The following ATP9B variants were observed in gnomAD, a reference collection of about 807,000 sequenced individuals.
ATP9B encodes probable phospholipid-transporting ATPase IIB.
In ATP9B, 110 loss-of-function variants were observed where a neutral mutation model predicts 146.1. The ratio of observed to expected loss-of-function variants is 0.75; its 90% CI spans 0.65 to 0.88. The LOEUF is 0.88. Among genes scored for constraint, ATP9B ranks in the 40% least tolerant of loss-of-function variants. The pLI, the probability that ATP9B is intolerant of heterozygous loss-of-function variation, is 0.00. For missense variants in ATP9B, 1,499 were observed against 1,496.4 expected, an observed-to-expected ratio of 1.00 and a Z score of -0.03; for synonymous variants, 604 against 569.7, an observed-to-expected ratio of 1.06 and a Z score of -0.86.
intron 11 of ATP9B, among the ~76,000 whole-genome samples, chr18:79,249,658 T>G (rs1184663900): frequency 6.6e-6 from 1 of 152,224 alleles, no homozygotes; most frequent in East Asian, 1.9e-4. Flanking sequence ...TTATAGAATC[T>G]GTAACTTTAT....
intron 25 of ATP9B, among the ~76,000 whole-genome samples, chr18:79,356,053 A>T (rs2080047759): frequency 6.6e-6 from 1 of 152,208 alleles, no homozygotes; most frequent in Non-Finnish European, 1.5e-5. Context: ...TCAGCCATGA[A>T]GGGGCAGTCC....
intron 11 of ATP9B, among the ~76,000 whole-genome samples, chr18:79,243,994 T>C (rs1001844106): frequency 1.4e-4 from 21 of 152,214 alleles, no homozygotes; most frequent in African/African-American, 4.6e-4. Flanking sequence ...CATTACCTCT[T>C]AATAAAGATA....
At chr18:79,329,978 A>T in intron 16 of ATP9B, 34 bp from the exon 17 acceptor site, 3 of 1,598,688 alleles carry the variant, frequency 1.9e-6, no homozygotes, top group Non-Finnish European at 2.6e-6. Context: ...AATGCAGCCT[A>T]AATGTGCCTC....
chr18:79,179,558 G>A (rs1042446287), intron 8 of ATP9B, among the ~76,000 whole-genome samples: 7 of 151,810 alleles, frequency 4.6e-5, no homozygotes, highest in Non-Finnish European at 5.9e-5. Context: ...TTTCATCCTT[G>A]ATTATTTGGA....
intron 8 of ATP9B, among the ~76,000 whole-genome samples, chr18:79,177,299 G>C (rs1217173679): frequency 6.6e-6 from 1 of 152,028 alleles, no homozygotes; most frequent in Admixed American, 6.6e-5. Context: ...ACAGTAACAT[G>C]ATCATAGCTC....
chr18:79,113,333 C>G lies in ATP9B; in HGVS notation c.537C>G (p.Leu179=). 6.4e-7 allele frequency: 1 copy of G among 1,572,896 alleles called. No homozygotes were observed. The highest frequency in any genetic ancestry group is 1.3e-5 in the African/African-American group (1 of 74,086). The part of the protein sequence containing the change: ...QFVPALKIGY[L]YTYWAPLGFV... ...TACCAGCATTGAAAATAGGCTATCT[C>G]TACACCTACTGGGCTCCTCTGGTAA... The change falls in exon 4 of 30, where the codon CTC becomes CTG. Residue 179 remains leucine, a synonymous_variant. Coordinates refer to ENST00000426216, the MANE Select transcript of ATP9B (RefSeq NM_198531.5).
At chr18:79,121,255 G>T (rs761695071) in intron 4 of ATP9B, among the ~76,000 whole-genome samples, 1 of 152,232 alleles carries the variant, frequency 6.6e-6, no homozygotes, top group Non-Finnish European at 1.5e-5. Flanking sequence ...AGAAATAGGA[G>T]AAAGGCTGTG....
chr18:79,227,808 A>G (rs527358561), intron 11 of ATP9B, among the ~76,000 whole-genome samples: 3 of 152,342 alleles, frequency 2.0e-5, no homozygotes, highest in East Asian at 1.9e-4. Context: ...CGTGGGCTCC[A>G]GCCCAGCACT....
At chr18:79,347,171 C>T (rs2096894346) in intron 23 of ATP9B, among the ~76,000 whole-genome samples, 1 of 152,210 alleles carries the variant, frequency 6.6e-6, no homozygotes, top group South Asian at 2.1e-4. Context: ...TCCGTGCCAG[C>T]TTTATCTGTG....
intron 5 of ATP9B, among the ~76,000 whole-genome samples, chr18:79,135,471 C>G (rs1270093976): frequency 1.3e-5 from 2 of 152,194 alleles, no homozygotes; most frequent in Non-Finnish European, 2.9e-5. Context: ...ACATCCTAAA[C>G]AGACTCTTTG....
intron 13 of ATP9B, among the ~76,000 whole-genome samples, chr18:79,296,524 A>G (rs936422326): frequency 1.3e-5 from 2 of 152,254 alleles, no homozygotes; most frequent in African/African-American, 4.8e-5. Context: ...ATAAATCTCA[A>G]GTATTTTTAA....
In ATP9B at chr18:79,345,919, C is replaced by T. The variant is rs911650291; in HGVS notation, c.2682+80C>T. 11 of 1,467,174 alleles carry T rather than the reference C, an allele frequency of 7.5e-6. No individual in the cohort carries two copies. The African/African-American group carries it at 1.4e-4, about 19-fold the overall frequency. The allele number at this position is 1,467,174 out of a possible 1,614,324, so 90.9% of individuals were successfully genotyped here. Reference sequence around the variant, plus strand: ...ACTCAGCACATGCTGGGCCACTGTACACTCAGCACCTACTTGGTCAGTGCA... The same window carrying T: ...ACTCAGCACATGCTGGGCCACTGTATACTCAGCACCTACTTGGTCAGTGCA... On this transcript the variant is annotated intron_variant, in intron 23 of 29. Transcript: ENST00000426216.
rs767848189 is a variant in ATP9B at position 79,344,325 on chromosome 18, G to A, written c.2443G>A (p.Ala815Thr). The A allele has an allele frequency of 6.2e-7, 1 of 1,614,224 alleles. No homozygotes were observed. The highest frequency in any genetic ancestry group is 1.1e-5 in the South Asian group (1 of 91,084). The change falls in exon 21 of 30, where the codon GCA (alanine) becomes ACA (threonine). Residue 815 changes from alanine to threonine, a missense_variant. Coordinates refer to ENST00000426216, the MANE Select transcript of ATP9B (RefSeq NM_198531.5). Reference sequence around the variant, plus strand: ...TGCATTTCGAAGGAAGCATGATTGTGCACTAGTCATATCTGGGGACTCTCT... The same window carrying A: ...TGCATTTCGAAGGAAGCATGATTGTACACTAGTCATATCTGGGGACTCTCT... Reference protein sequence around the residue: ...LNAFRRKHDCALVISGDSLEV... With the variant: ...LNAFRRKHDCTLVISGDSLEV...
In ATP9B at chr18:79,345,816, T is replaced by A. The variant is rs2096882966; in HGVS notation, c.2659T>A (p.Cys887Ser). ...TGTCAGCATGATTCAGGCAGCAGAC[T>A]GTGGGATTGGGATTGAGGGAAAGGT... ...NDVSMIQAAD[C>S]GIGIEGKEGK... Residue 887 changes from cysteine (C) to serine (S), a missense_variant, in exon 23 of 30, where the codon TGT becomes AGT. Cys to Ser is a moderately radical substitution (Grantham distance 112). Transcript: ENST00000426216. 6.2e-7 allele frequency: 1 copy of A among 1,614,254 alleles called. No individual in the cohort carries two copies. Among genetic ancestry groups the A allele is most frequent in the African/African-American group, 1.3e-5 (1 of 75,070 alleles).
At chr18:79,089,893 C>T (rs1245361954) in intron 1 of ATP9B, among the ~76,000 whole-genome samples, 1 of 152,092 alleles carries the variant, frequency 6.6e-6, no homozygotes, top group Non-Finnish European at 1.5e-5. Flanking sequence ...TTTTTATACC[C>T]ATTACCCATC....
intron 13 of ATP9B, among the ~76,000 whole-genome samples, chr18:79,283,472 C>T (rs1014827757): frequency 5.3e-5 from 8 of 152,272 alleles, no homozygotes; most frequent in South Asian, 4.2e-4. Context: ...GGATAAGAAG[C>T]GTCCATCACA....
rs377668375 is a variant in ATP9B at position 79,187,911 on chromosome 18, G to A, written c.874-5272G>A. ...ATGAAATATGCCATATCAATTTTAG[G>A]TGATCGAATCTTCTCTGTTAAAGAT... On this transcript the variant is annotated intron_variant, in intron 8 of 29. Transcript: ENST00000426216. 3.9e-5 allele frequency among the ~76,000 whole-genome samples: 6 copies of A among 152,262 alleles called. No homozygotes were observed. The South Asian group carries it at 1.2e-3, about 32-fold the overall frequency.
intron 7 of ATP9B, among the ~76,000 whole-genome samples, chr18:79,169,372 G>C (rs1373755579): frequency 1.3e-5 from 2 of 152,188 alleles, no homozygotes; most frequent in African/African-American, 4.8e-5. Flanking sequence ...GGTAGCTAGA[G>C]TAATGCTTTC....
intron 25 of ATP9B, chr18:79,354,035 C>T (rs1458827276): frequency 6.6e-6 from 1 of 152,082 alleles, no homozygotes; most frequent in Non-Finnish European, 1.5e-5. Flanking sequence ...CTAAAAGTAC[C>T]TTAGAAGAAA....
Sources: allele counts gnomAD v4.1 joint callset (sites outside exome capture counted in the v4.1 genomes callset), GRCh38; gene constraint gnomAD v4.1.1; transcripts MANE v1.5; gene names NCBI Gene and HGNC (gene_info 2026-07-23, HGNC 2026-07-21).